The following MOXD1 variants were observed in gnomAD, a reference collection of about 807,000 sequenced individuals.
The protein encoded by MOXD1 is DBH-like monooxygenase protein 1.
Under a neutral mutation model 66.6 loss-of-function variants are expected in MOXD1, and 62 were observed. That is an observed-to-expected ratio of 0.93 (90% CI 0.76 to 1.15). The LOEUF (loss-of-function observed/expected upper bound fraction) is 1.15. Among genes scored for constraint, MOXD1 ranks in the 50% most tolerant of loss-of-function variants. The pLI is 0.00. For synonymous variants in MOXD1, 303 were observed against 281.9 expected, an observed-to-expected ratio of 1.07 and a Z score of -0.75; for missense variants, 847 against 754.6, an observed-to-expected ratio of 1.12 and a Z score of -1.44.
intron 4 of MOXD1, among the ~76,000 whole-genome samples, chr6:132,361,030 A>G (rs1776008573): frequency 6.6e-6 from 1 of 152,200 alleles, no homozygotes; most frequent in Admixed American, 6.5e-5. Flanking sequence ...TAATTTTTAT[A>G]ATTCCACACA....
At chr6:132,345,989 T>G (rs905204965) in intron 4 of MOXD1, among the ~76,000 whole-genome samples, 1 of 152,102 alleles carries the variant, frequency 6.6e-6, no homozygotes, top group Non-Finnish European at 1.5e-5. Flanking sequence ...CTGGATTACA[T>G]TTTGCTTTTT....
chr6:132,328,514 G>C lies in MOXD1; in HGVS notation c.744C>G (p.Asp248Glu), dbSNP rs1480512644. 1 of 1,614,130 alleles carries C rather than the reference G, an allele frequency of 6.2e-7. No homozygotes were observed. The highest frequency in any genetic ancestry group is 1.7e-5 in the Admixed American group (1 of 60,022). Residue 248 changes from aspartate to glutamate, a missense_variant, in exon 5 of 12, where the codon GAC becomes GAG. Transcript: ENST00000367963. The part of the protein sequence containing the change: ...LLYQCSNNFN[D>E]SVLESGHECY... The stretch of plus-strand genomic sequence containing the variant: ...ACTCGTGGCCGGACTCCAGAACGCT[G>C]TCGTTAAAGTTGTTGCTGCACTGAT...
intron 6 of MOXD1, among the ~76,000 whole-genome samples, chr6:132,326,943 A>G (rs2114580424): frequency 6.6e-6 from 1 of 152,334 alleles, no homozygotes; most frequent in South Asian, 2.1e-4. Flanking sequence ...TTCAAAATAC[A>G]GATCTCAATA....
At chr6:132,366,630 T>G (rs1462772451) in intron 4 of MOXD1, among the ~76,000 whole-genome samples, 2 of 152,110 alleles carry the variant, frequency 1.3e-5, no homozygotes, top group African/African-American at 4.8e-5. Context: ...AATGCTTAAA[T>G]TCCCACAGTT....
At position 132,315,786 on chromosome 6, in the gene MOXD1, A is replaced by G; in HGVS notation, c.1366-9T>C. 2 of 1,612,760 alleles carry G rather than the reference A, an allele frequency of 1.2e-6. No individual in the cohort carries two copies. Among genetic ancestry groups the G allele is most frequent in the South Asian group, 2.2e-5 (2 of 90,862 alleles). ...CTGGTGCTTAGTCCTCCCTGAAAAC[A>G]GATAGTTTATTTAGCAAAGTATGTG... is the stretch of plus-strand genomic sequence containing the variant. On this transcript the variant is annotated splice_polypyrimidine_tract_variant and intron_variant, in intron 9 of 11. Transcript: ENST00000367963.
chr6:132,303,230 C>T (rs556042579), intron 10 of MOXD1, among the ~76,000 whole-genome samples: 1 of 152,174 alleles, frequency 6.6e-6, no homozygotes, highest in Admixed American at 6.5e-5. Context: ...AAGCCACAGA[C>T]TGGGAGAAAT....
chr6:132,333,153 G>A (rs537940621), intron 4 of MOXD1, among the ~76,000 whole-genome samples: 174 of 152,064 alleles, frequency 1.1e-3, no homozygotes, highest in African/African-American at 3.6e-3. Context: ...TGGCTAACAA[G>A]GTGAAACCCC....
Position 132,359,121 on chromosome 6 carries a change from CT to C in MOXD1, c.663+13486del, listed in dbSNP as rs1209201997. Among the ~76,000 whole-genome samples the C allele has an allele frequency of 1.1e-3, 147 of 138,322 alleles. 1 individual carries two copies. Among genetic ancestry groups the C allele is most frequent in the Non-Finnish European group, 1.3e-3 (84 of 63,376 alleles). 90.7% of individuals were successfully genotyped at this position (138,322 alleles called of 152,430 possible). ...CTCTTAGGAACTGCCTGCAGCTTTC[CT>C]TTTTTTTTTTTTTCTGAGGCAGGAT... is the stretch of plus-strand genomic sequence containing the variant. On this transcript the variant is annotated intron_variant, in intron 4 of 11. Transcript: ENST00000367963.
At chr6:132,360,036 C>A (rs946552500) in intron 4 of MOXD1, among the ~76,000 whole-genome samples, 3 of 152,218 alleles carry the variant, frequency 2.0e-5, no homozygotes, top group African/African-American at 7.2e-5. Context: ...TAGCCAGCAG[C>A]TGTTAGCTGG....
intron 1 of MOXD1, among the ~76,000 whole-genome samples, chr6:132,397,144 G>T (rs1397767024): frequency 6.6e-6 from 1 of 152,234 alleles, no homozygotes; most frequent in Non-Finnish European, 1.5e-5. Flanking sequence ...CACCAGGCAA[G>T]GTCCCTGCCA....
intron 10 of MOXD1, among the ~76,000 whole-genome samples, chr6:132,303,835 GTATATA>G (rs1158339059): frequency 0.021 from 1,002 of 47,432 alleles, 6 homozygotes; most frequent in Non-Finnish European, 0.023. Flanking sequence ...GTGTGTGTGT[GTATATA>G]TATATATATA....
At chr6:132,315,488 G>T in intron 10 of MOXD1, 147 bp downstream of exon 10, 1 of 923,274 alleles carries the variant, frequency 1.1e-6, no homozygotes, top group South Asian at 1.8e-5. Flanking sequence ...AATCAAAAAG[G>T]TTACTTGGTC....
chr6:132,366,223 C>A (rs1776137733), intron 4 of MOXD1, among the ~76,000 whole-genome samples: 1 of 151,760 alleles, frequency 6.6e-6, no homozygotes. Flanking sequence ...ATGAATCTAG[C>A]TAAAAATCCA....
intron 4 of MOXD1, among the ~76,000 whole-genome samples, chr6:132,369,062 G>C (rs1330502986): frequency 6.6e-6 from 1 of 152,020 alleles, no homozygotes; most frequent in African/African-American, 2.4e-5. Context: ...TGTGATGCGA[G>C]ATGATACAAT....
At chr6:132,396,139 G>A (rs1052018960) in intron 1 of MOXD1, among the ~76,000 whole-genome samples, 2 of 152,138 alleles carry the variant, frequency 1.3e-5, no homozygotes, top group Non-Finnish European at 1.5e-5. Context: ...CATATGTGAG[G>A]ACACAAAACA....
At chr6:132,372,718 C>G in intron 3 of MOXD1, 27 bp from the exon 4 acceptor site, 3 of 1,609,686 alleles carry the variant, frequency 1.9e-6, no homozygotes, top group Non-Finnish European at 2.6e-6. Flanking sequence ...GGGAGGAAGA[C>G]ACAAAGTCAC....
At chr6:132,358,713 C>A (rs1775954887) in intron 4 of MOXD1, among the ~76,000 whole-genome samples, 1 of 151,988 alleles carries the variant, frequency 6.6e-6, no homozygotes, top group African/African-American at 2.4e-5. Context: ...AGGTATGAGG[C>A]TAAAATCAGC....
intron 10 of MOXD1, among the ~76,000 whole-genome samples, chr6:132,305,197 G>A (rs1327874017): frequency 6.6e-6 from 1 of 152,252 alleles, no homozygotes; most frequent in Admixed American, 6.5e-5. Flanking sequence ...GAGGCTGGAT[G>A]GCTTGGTCAC....
At chr6:132,398,869 G>A (rs182830651) in intron 1 of MOXD1, among the ~76,000 whole-genome samples, 1 of 147,566 alleles carries the variant, frequency 6.8e-6, no homozygotes, top group East Asian at 2.0e-4. Context: ...AACCTGAGAG[G>A]TGAGGTTGCA....
Sources: gnomAD v4.1 joint callset for allele counts (sites outside exome capture counted in the v4.1 genomes callset) on GRCh38, gnomAD v4.1.1 for gene constraint, MANE v1.5 for transcripts, NCBI Gene and HGNC (gene_info 2026-07-23, HGNC 2026-07-21) for gene names.